HTT: variants seen among roughly 807,000 people sequenced by gnomAD.
The protein encoded by HTT is huntington disease protein.
A neutral mutation model predicts 362.3 loss-of-function variants in HTT; 104 were observed. The observed-to-expected ratio is 0.29, with a 90% CI of 0.24 to 0.34. The LOEUF (loss-of-function observed/expected upper bound fraction) is 0.34. Ranked by LOEUF, HTT falls within the 10% of genes least tolerant of loss-of-function variation. HTT has a pLI of 1.00. For missense variants in HTT, 3,301 were observed against 3,928.6 expected (o/e 0.84, Z 4.27); for synonymous variants, 1,577 against 1,548.7 (o/e 1.02, Z -0.43).
intron 27 of HTT, among the ~76,000 whole-genome samples, chr4:3,155,728 CAA>C (rs774283812): frequency 0.014 from 706 of 49,588 alleles, 4 homozygotes; most frequent in African/African-American, 0.048. Flanking sequence ...AAAAATACCA[CAA>C]AAAAAAAAAA....
At position 3,132,740 on chromosome 4, in the gene HTT, C is replaced by A. The variant is rs760022183; in HGVS notation, c.2395+20C>A. Reference sequence around the variant, plus strand: ...TCACAGGTAACGGCCAGTTTTTCAGCTGTGTTTTTTCTAGTTATGCTTACT... The same window carrying A: ...TCACAGGTAACGGCCAGTTTTTCAGATGTGTTTTTTCTAGTTATGCTTACT... On this transcript the variant is annotated intron_variant, in intron 17 of 66. Coordinates refer to ENST00000355072, the MANE Select transcript of HTT (RefSeq NM_001388492.1). The A allele has an allele frequency of 3.2e-5, 51 of 1,613,848 alleles. No individual in the cohort carries two copies. In the South Asian group the frequency reaches 5.4e-4, roughly 17 times the overall value.
chr4:3,204,133 C>G lies in HTT; in HGVS notation c.5703C>G (p.Leu1901=). The stretch of plus-strand genomic sequence containing the variant: ...TAGTACGAAGAGGGGCTCTCATTCT[C>G]TTCTGTGATTATGTCGTAAGTTTGA... ...REIVRRGALI[L]FCDYVCQNLH... is the part of the protein sequence containing the mutation. The change falls in exon 42 of 67, where the codon CTC becomes CTG. Residue 1901 remains leucine (L), a synonymous_variant. Coordinates refer to ENST00000355072, the MANE Select transcript of HTT (RefSeq NM_001388492.1). 6.2e-7 allele frequency: 1 copy of G among 1,614,200 alleles called. No individual in the cohort carries two copies. Among genetic ancestry groups the G allele is most frequent in the Non-Finnish European group, 8.5e-7 (1 of 1,180,016 alleles).
At chr4:3,207,995 A>G (rs189912766) in intron 45 of HTT, among the ~76,000 whole-genome samples, 1 of 152,170 alleles carries the variant, frequency 6.6e-6, no homozygotes, top group Non-Finnish European at 1.5e-5. Flanking sequence ...GAAGGAGAAT[A>G]TAATTATCAT....
At chr4:3,109,004 T>A (rs1714581906) in intron 6 of HTT, among the ~76,000 whole-genome samples, 1 of 151,828 alleles carries the variant, frequency 6.6e-6, no homozygotes, top group Admixed American at 6.6e-5. Context: ...CACTGAGCTG[T>A]GATTGTGCCA....
Position 3,132,556 on chromosome 4 carries a change from C to T in HTT, c.2237-6C>T. On this transcript the variant is annotated splice_polypyrimidine_tract_variant and splice_region_variant and intron_variant, in intron 16 of 66. Transcript: ENST00000355072. ...TGTTCCATGGCTGAGCAATTTATCT[C>T]CACAGAGGAACAGTATGTCTCAGAC... The T allele has an allele frequency of 6.2e-7, 1 of 1,612,638 alleles. No individual in the cohort carries two copies. The highest frequency in any genetic ancestry group is 8.5e-7 in the Non-Finnish European group (1 of 1,178,814).
chr4:3,096,826 G>A lies in HTT; in HGVS notation c.348-2448G>A, dbSNP rs140141107. Among the ~76,000 whole-genome samples the A allele has an allele frequency of 1.9e-3, 282 of 152,290 alleles. 1 individual carries two copies. Among genetic ancestry groups the A allele is most frequent in the Middle Eastern group, 6.8e-3 (2 of 294 alleles). ...AAATGACAAGCAAATGGAATCCAGA[G>A]TTACCAGAAGGGCCAGGTACGGTGG... On this transcript the variant is annotated intron_variant, in intron 2 of 66. Transcript: ENST00000355072.
intron 47 of HTT, 55 bp downstream of exon 47, chr4:3,210,004 G>A: frequency 6.3e-7 from 1 of 1,597,072 alleles, no homozygotes; most frequent in Non-Finnish European, 8.6e-7. Context: ...TGACTTCCAA[G>A]TGGGATTTGT....
intron 37 of HTT, among the ~76,000 whole-genome samples, chr4:3,185,920 G>A (rs904164323): frequency 2.6e-5 from 4 of 151,702 alleles, no homozygotes; most frequent in African/African-American, 9.7e-5. Context: ...GAGGGAGGGA[G>A]GAAGGAAGGA....
intron 29 of HTT, among the ~76,000 whole-genome samples, chr4:3,169,825 C>T (rs535499621): frequency 9.2e-5 from 14 of 152,310 alleles, no homozygotes; most frequent in East Asian, 1.9e-4. Flanking sequence ...TCATCCGCCT[C>T]GGTCTCCCAA....
intron 3 of HTT, 52 bp downstream of exon 3, chr4:3,099,446 G>A (rs773510986): frequency 6.2e-7 from 1 of 1,603,870 alleles, no homozygotes; most frequent in Non-Finnish European, 8.5e-7. Context: ...GTTGTAGGCT[G>A]AGAGAAGAAG....
At chr4:3,133,120 C>T (rs1317336857) in intron 18 of HTT, among the ~76,000 whole-genome samples, 1 of 152,070 alleles carries the variant, frequency 6.6e-6, no homozygotes, top group Non-Finnish European at 1.5e-5. Flanking sequence ...TTCTAATTCT[C>T]AGAATATTTG....
chr4:3,145,480 G>T (rs1230530868), intron 24 of HTT, among the ~76,000 whole-genome samples: 1 of 152,120 alleles, frequency 6.6e-6, no homozygotes, highest in Non-Finnish European at 1.5e-5. Flanking sequence ...TCATTTAAGG[G>T]AATTTTCATA....
Position 3,218,653 on chromosome 4 carries a change from T to A in HTT, c.7242+701T>A, listed in dbSNP as rs1318691512. Among the ~76,000 whole-genome samples the A allele has an allele frequency of 2.0e-5, 3 of 150,092 alleles. No homozygotes were observed. The highest frequency in any genetic ancestry group is 6.6e-5 in the Admixed American group (1 of 15,052). On this transcript the variant is annotated intron_variant, in intron 52 of 66. Coordinates refer to ENST00000355072, the MANE Select transcript of HTT (RefSeq NM_001388492.1). This position sits in a 1 kb window ranked among gnomAD's most constrained non-coding sequence, Gnocchi z 4.4. The stretch of plus-strand genomic sequence containing the variant: ...GTCTCAAAAAAAAAAAAGGTAGGTG[T>A]TATTGATCAGAACCCTTGTTTCAGA...
Position 3,228,928 on chromosome 4 carries a change from T to A in HTT, c.8028T>A (p.Leu2676=). 3 of 1,613,858 alleles carry A rather than the reference T, an allele frequency of 1.9e-6. No homozygotes were observed. In the South Asian group the frequency reaches 3.3e-5, roughly 18 times the overall value. ...VDIHSCSQFL[L]ELYSRWILPS... ...TCCACTCCTGTTCGCAGTTTTTGCT[T>A]GAGTTGTACAGCCGCTGGATCCTGC... The change falls in exon 59 of 67, where the codon CTT becomes CTA. Residue 2676 remains leucine (L), a synonymous_variant. Coordinates refer to ENST00000355072, the MANE Select transcript of HTT (RefSeq NM_001388492.1). The surrounding 1 kb of genome is among the most constrained non-coding windows in gnomAD (Gnocchi z 4.3).
chr4:3,194,694 C>T (rs1163694452), intron 40 of HTT, among the ~76,000 whole-genome samples: 2 of 152,200 alleles, frequency 1.3e-5, no homozygotes, highest in Non-Finnish European at 2.9e-5. Context: ...CGGAGGCATG[C>T]TCACCCCTTC....
chr4:3,157,019 T>A, intron 27 of HTT, 53 bp from the exon 28 acceptor site: 1 of 1,475,358 alleles, frequency 6.8e-7, no homozygotes, highest in Non-Finnish European at 9.2e-7. Context: ...TCTTTAAAAC[T>A]TGGCAAGTTA....
intron 25 of HTT, among the ~76,000 whole-genome samples, chr4:3,147,687 G>C (rs1317288171): frequency 6.6e-6 from 1 of 152,202 alleles, no homozygotes; most frequent in Non-Finnish European, 1.5e-5. Flanking sequence ...CTGTAGGGAA[G>C]ACACTGATTG....
At chr4:3,169,006 C>A (rs112328906) in intron 29 of HTT, among the ~76,000 whole-genome samples, 1 of 142,030 alleles carries the variant, frequency 7.0e-6, no homozygotes, top group African/African-American at 2.8e-5. Context: ...TTAGGCCATT[C>A]TTTCTTTCTT....
rs928041842 is a variant in HTT at position 3,228,177 on chromosome 4, G to A, written c.7849-438G>A. 6.6e-6 allele frequency among the ~76,000 whole-genome samples: 1 copy of A among 152,174 alleles called. No homozygotes were observed. Among genetic ancestry groups the A allele is most frequent in the Non-Finnish European group, 1.5e-5 (1 of 68,028 alleles). ...GGTGTGCTGACTGCGTGGTGGCTGC[G>A]TGATCTAGAGCGCGGGTCACAAAGG... On this transcript the variant is annotated intron_variant, in intron 57 of 66. Transcript: ENST00000355072. The surrounding 1 kb of genome is among the most constrained non-coding windows in gnomAD (Gnocchi z 4.3).
Sources: allele counts gnomAD v4.1 joint callset (sites outside exome capture counted in the v4.1 genomes callset), GRCh38; gene constraint gnomAD v4.1.1; non-coding constraint Gnocchi (gnomAD v3.1); transcripts MANE v1.5; gene names NCBI Gene and HGNC (gene_info 2026-07-23, HGNC 2026-07-21).